The following SNPH variants were observed in gnomAD, a reference collection of about 807,000 sequenced individuals.
SNPH encodes the protein syntaphilin.
A neutral mutation model predicts 36.8 loss-of-function variants in SNPH; 10 were observed. The observed-to-expected ratio is 0.27, with a 90% CI of 0.17 to 0.46. SNPH has a LOEUF of 0.46. Among genes scored for constraint, SNPH ranks in the 20% least tolerant of loss-of-function variants. The pLI is 1.00. For synonymous variants in SNPH, 281 were observed against 312.2 expected (o/e 0.90, Z 1.05); for missense variants, 622 against 744.0 (o/e 0.84, Z 1.91).
chr20:1,266,827 C>G lies in SNPH; in HGVS notation c.-493+67C>G. 7.7e-7 allele frequency: 1 copy of G among 1,303,120 alleles called. No homozygotes were observed. Among genetic ancestry groups the G allele is most frequent in the Non-Finnish European group, 9.7e-7 (1 of 1,025,810 alleles). 80.7% of individuals were successfully genotyped at this position (1,303,120 alleles called of 1,614,324 possible). ...CACCGCGGCAGGTGGGGGCCGCTTG[C>G]AACCGCTCGCTGCGGTAGAATCCCT... On this transcript the variant is annotated intron_variant, in intron 2 of 6. Transcript: ENST00000381867. This position sits in a 1 kb window ranked among gnomAD's most constrained non-coding sequence, Gnocchi z 6.0.
chr20:1,278,180 G>A (rs2088175296), intron 2 of SNPH, among the ~76,000 whole-genome samples: 1 of 151,028 alleles, frequency 6.6e-6, no homozygotes, highest in Admixed American at 6.6e-5. Context: ...GTCTGTGTGT[G>A]TGTATCTGTG....
At chr20:1,287,925 C>G (rs2088302889) in intron 2 of SNPH, among the ~76,000 whole-genome samples, 1 of 152,212 alleles carries the variant, frequency 6.6e-6, no homozygotes, top group Non-Finnish European at 1.5e-5. Context: ...GCCAGGCAGC[C>G]ACCAAGCTGG....
At chr20:1,283,421 TAACA>T (rs1316495011) in intron 2 of SNPH, among the ~76,000 whole-genome samples, 8 of 152,118 alleles carry the variant, frequency 5.3e-5, no homozygotes, top group Non-Finnish European at 8.8e-5. Flanking sequence ...GCCGTGCCAC[TAACA>T]AACAACACAG....
intron 4 of SNPH, among the ~76,000 whole-genome samples, chr20:1,296,888 C>A (rs1349495761): frequency 6.6e-6 from 1 of 152,238 alleles, no homozygotes; most frequent in Non-Finnish European, 1.5e-5. Flanking sequence ...GAGGCCCCAC[C>A]CTTGCCCTGC....
At chr20:1,299,349 T>C (rs986547538) in intron 5 of SNPH, among the ~76,000 whole-genome samples, 1 of 151,796 alleles carries the variant, frequency 6.6e-6, no homozygotes, top group Non-Finnish European at 1.5e-5. Flanking sequence ...AGGAGCAGAG[T>C]TGGATGGCAA....
rs1213784797 is a variant in SNPH at position 1,305,010 on chromosome 20, G to T, written c.573G>T (p.Gln191His). Residue 191 changes from glutamine to histidine, a missense_variant, in exon 7 of 7, where the codon CAG becomes CAT. Gln to His is a conservative substitution (Grantham distance 24). Around this residue, in one of 3 missense-constraint regions of SNPH, gnomAD observed 56 missense variants for 106.6 expected, o/e 0.53. Transcript: ENST00000381867. ...EARKEIKQLKQVIDTVKNNLI... is the reference protein window; with the variant it reads ...EARKEIKQLKHVIDTVKNNLI... ...GAAAGGAGATCAAGCAGCTCAAGCA[G>T]GTCATCGACACTGTCAAGAACAACC... 1 of 1,613,966 alleles carries T rather than the reference G, an allele frequency of 6.2e-7. No homozygotes were observed. The highest frequency in any genetic ancestry group is 8.5e-7 in the Non-Finnish European group (1 of 1,180,054).
Position 1,307,715 on chromosome 20 carries a change from C to T in SNPH, c.*1661C>T, listed in dbSNP as rs1165677780. The T allele has an allele frequency of 6.6e-6, 1 of 152,528 alleles. No homozygotes were observed. The highest frequency in any genetic ancestry group is 6.5e-5 in the Admixed American group (1 of 15,292). 9.4% of individuals were successfully genotyped at this position (152,528 alleles called of 1,614,324 possible). On this transcript the variant is annotated 3_prime_UTR_variant, in exon 7 of 7. Coordinates refer to ENST00000381867, the MANE Select transcript of SNPH (RefSeq NM_001318234.2). ...ATGCACTGGGAGGGGGCGGCTGGCC[C>T]AGCCCTCGGGGCAGGAGCCCCCTCT...
chr20:1,298,807 TGTGTGTGTGTG>T (rs754746004), intron 5 of SNPH, among the ~76,000 whole-genome samples: 5 of 34,278 alleles, frequency 1.5e-4, no homozygotes, highest in African/African-American at 4.6e-4. Context: ...TTCTAATTTG[TGTGTGTGTGTG>T]TGTGTGTGTG....
intron 5 of SNPH, among the ~76,000 whole-genome samples, chr20:1,300,296 T>C (rs531045402): frequency 6.6e-6 from 1 of 152,176 alleles, no homozygotes; most frequent in Non-Finnish European, 1.5e-5. Flanking sequence ...TTTACACATA[T>C]GCTCTGGGAT....
At chr20:1,268,909 G>A (rs773178660) in intron 2 of SNPH, among the ~76,000 whole-genome samples, 5 of 152,142 alleles carry the variant, frequency 3.3e-5, no homozygotes, top group Non-Finnish European at 7.4e-5. Context: ...CAGATGCTTC[G>A]CCTACTCCTC....
At chr20:1,295,461 C>G (rs1228713179) in intron 3 of SNPH, among the ~76,000 whole-genome samples, 2 of 152,208 alleles carry the variant, frequency 1.3e-5, no homozygotes, top group Non-Finnish European at 2.9e-5. Context: ...CACTGGGACA[C>G]CCCCAGCGGA....
intron 2 of SNPH, among the ~76,000 whole-genome samples, chr20:1,293,689 T>C (rs1327357693): frequency 2.0e-5 from 3 of 152,132 alleles, no homozygotes; most frequent in Admixed American, 6.5e-5. Flanking sequence ...GGGAAATGCG[T>C]CTTCCACCTT....
chr20:1,305,865 G>T lies in SNPH; in HGVS notation c.1428G>T (p.Val476=). The part of the protein sequence containing the change: ...SRHYIVDLLA[V]VVPAVPTVAW... Reference sequence around the variant, plus strand: ...ACTACATCGTGGATCTGCTGGCTGTGGTGGTGCCGGCCGTGCCCACGGTGG... The same window carrying T: ...ACTACATCGTGGATCTGCTGGCTGTTGTGGTGCCGGCCGTGCCCACGGTGG... Residue 476 remains valine (V), a synonymous_variant, in exon 7 of 7, where the codon GTG becomes GTT. Coordinates refer to ENST00000381867, the MANE Select transcript of SNPH (RefSeq NM_001318234.2). The T allele has an allele frequency of 6.3e-7, 1 of 1,594,192 alleles. No individual in the cohort carries two copies. The highest frequency in any genetic ancestry group is 1.3e-5 in the African/African-American group (1 of 74,684).
Position 1,297,072 on chromosome 20 carries a change from T to C in SNPH, c.183-73T>C, listed in dbSNP as rs2088445847. On this transcript the variant is annotated intron_variant, in intron 4 of 6. Transcript: ENST00000381867. ...GGGGGCACTTTGGGCCGCAGCGGCC[T>C]GGCAGTGTTCGCCCAGTGTCCGCAG... The C allele has an allele frequency of 2.6e-6, 4 of 1,525,518 alleles. No homozygotes were observed. The South Asian group carries it at 5.1e-5, about 20-fold the overall frequency. The allele number at this position is 1,525,518 out of a possible 1,614,324, so 94.5% of individuals were successfully genotyped here.
At chr20:1,271,578 GC>G (rs1293651007) in intron 2 of SNPH, among the ~76,000 whole-genome samples, 1 of 152,130 alleles carries the variant, frequency 6.6e-6, no homozygotes, top group Non-Finnish European at 1.5e-5. Context: ...CTGACCTCAG[GC>G]AATCCATCTG....
rs1173929368 is a variant in SNPH at position 1,285,303 on chromosome 20, C to T, written c.-492-9648C>T. Among the ~76,000 whole-genome samples the T allele has an allele frequency of 6.6e-6, 1 of 152,024 alleles. No homozygotes were observed. The highest frequency in any genetic ancestry group is 1.5e-5 in the Non-Finnish European group (1 of 68,008). ...ATCCTGTTGTTTGGTAGACAATGAC[C>T]GGTTTAGGGTTTTTCTTTCCTTTTC... On this transcript the variant is annotated intron_variant, in intron 2 of 6. Transcript: ENST00000381867. The surrounding 1 kb of genome is among the most constrained non-coding windows in gnomAD (Gnocchi z 4.9).
intron 2 of SNPH, among the ~76,000 whole-genome samples, chr20:1,271,433 C>G (rs2088072243): frequency 6.6e-6 from 1 of 152,142 alleles, no homozygotes; most frequent in African/African-American, 2.4e-5. Context: ...CCTCTGCCTC[C>G]CGGGTTCAAA....
At chr20:1,300,030 G>C (rs1032529721) in intron 5 of SNPH, among the ~76,000 whole-genome samples, 2 of 152,184 alleles carry the variant, frequency 1.3e-5, no homozygotes, top group Non-Finnish European at 2.9e-5. Context: ...CCTGCTGTGT[G>C]GGGGTGAGTC....
chr20:1,309,131 CCT>C lies in SNPH; in HGVS notation c.*3082_*3083del, dbSNP rs1183996621. ...CCTCTGCCCAGAGAACTCACAACCC[CCT>C]CTCTGACCTGGGGGACAATGCAAAC... is the stretch of plus-strand genomic sequence containing the variant. On this transcript the variant is annotated 3_prime_UTR_variant, in exon 7 of 7. Transcript: ENST00000381867. 2 of 152,542 alleles carry C rather than the reference CCT, an allele frequency of 1.3e-5. No individual in the cohort carries two copies. The highest frequency in any genetic ancestry group is 4.8e-5 in the African/African-American group (2 of 41,446). The allele number at this position is 152,542 out of a possible 1,614,324, so 9.4% of individuals were successfully genotyped here. A position where few individuals can be genotyped will look rare whatever the true frequency, so the allele number is the denominator to read the frequency against.
Sources: gnomAD v4.1 joint callset for allele counts (sites outside exome capture counted in the v4.1 genomes callset) on GRCh38, gnomAD v4.1.1 for gene constraint, gnomAD v4.1.1 regional missense constraint, Gnocchi (gnomAD v3.1) non-coding constraint, MANE v1.5 for transcripts, NCBI Gene and HGNC (gene_info 2026-07-23, HGNC 2026-07-21) for gene names.